FAM107A: variants seen among roughly 807,000 people sequenced by gnomAD.
FAM107A encodes the protein actin-associated protein FAM107A.
Under a neutral mutation model 13.7 loss-of-function variants are expected in FAM107A, and 19 were observed. The ratio of observed to expected loss-of-function variants is 1.38; its 90% confidence interval spans 0.97 to 2.03. The LOEUF is 2.03. Among genes scored for constraint, FAM107A ranks in the 30% most tolerant of loss-of-function variants. The pLI, the probability that FAM107A is intolerant of heterozygous loss-of-function variation, is 0.00. For synonymous variants in FAM107A, 82 were observed against 74.5 expected, an observed-to-expected ratio of 1.10 and a Z score of -0.52; for missense variants, 203 against 184.4, an observed-to-expected ratio of 1.10 and a Z score of -0.58.
chr3:58,607,753 G>A (rs2065809806), intron 1 of FAM107A: 1 of 152,228 alleles, frequency 6.6e-6, no homozygotes, highest in Non-Finnish European at 1.5e-5. Context: ...GGCCTCTTAG[G>A]ACCTGAGGGC....
chr3:58,593,320 G>A (rs951111975), intron 1 of FAM107A, among the ~76,000 whole-genome samples: 1 of 152,122 alleles, frequency 6.6e-6, no homozygotes, highest in African/African-American at 2.4e-5. Flanking sequence ...GCTTTATACA[G>A]TCACCCCCAC....
chr3:58,626,529 A>G (rs1479886045), intron 1 of FAM107A, among the ~76,000 whole-genome samples: 1 of 152,204 alleles, frequency 6.6e-6, no homozygotes, highest in Non-Finnish European at 1.5e-5. Flanking sequence ...CCTATTTTAC[A>G]GGTGAGGAAA....
At chr3:58,588,801 A>T (rs2065631124), upstream of FAM107A, among the ~76,000 whole-genome samples, 1 of 152,078 alleles carries the variant, frequency 6.6e-6, no homozygotes, top group Non-Finnish European at 1.5e-5. Flanking sequence ...CTGGGATTAC[A>T]GGTGCACGCA....
At chr3:58,615,305 A>G (rs1247861803) in intron 1 of FAM107A, among the ~76,000 whole-genome samples, 1 of 152,108 alleles carries the variant, frequency 6.6e-6, no homozygotes, top group African/African-American at 2.4e-5. Context: ...TCTTTTACCA[A>G]CTTTGTAACT....
At chr3:58,626,348 T>TGCA (rs1455108475) in intron 1 of FAM107A, among the ~76,000 whole-genome samples, 1 of 152,162 alleles carries the variant, frequency 6.6e-6, no homozygotes, top group East Asian at 1.9e-4. Flanking sequence ...CAGGCAATGC[T>TGCA]GTCTACAAAC....
intron 1 of FAM107A, among the ~76,000 whole-genome samples, chr3:58,574,634 T>C (rs111577528): frequency 2.0e-5 from 3 of 152,218 alleles, no homozygotes; most frequent in Non-Finnish European, 4.4e-5. Context: ...AGGCCACCAG[T>C]AGGCGACAGC....
chr3:58,592,117 G>T (rs1027247471), intron 1 of FAM107A, among the ~76,000 whole-genome samples: 2 of 152,148 alleles, frequency 1.3e-5, no homozygotes, highest in African/African-American at 2.4e-5. Context: ...GAGTGTTCGT[G>T]GTTTGGAAGT....
chr3:58,572,790 C>G (rs560434574), intron 1 of FAM107A: 4 of 152,164 alleles, frequency 2.6e-5, no homozygotes, highest in South Asian at 2.1e-4. Flanking sequence ...TCGCCCCATA[C>G]GTAAGTTGCC....
chr3:58,589,214 T>C, upstream of FAM107A: 1 of 1,534,166 alleles, frequency 6.5e-7, no homozygotes, highest in South Asian at 1.2e-5. Flanking sequence ...ACCTGAGCCA[T>C]TTCGTCTCTG....
chr3:58,624,691 A>T (rs1247084303), intron 1 of FAM107A, among the ~76,000 whole-genome samples: 1 of 151,884 alleles, frequency 6.6e-6, no homozygotes, highest in African/African-American at 2.4e-5. Flanking sequence ...TATGCCCCTG[A>T]CATTCCCCAG....
At chr3:58,605,420 T>C (rs1259792472) in intron 1 of FAM107A, among the ~76,000 whole-genome samples, 2 of 152,204 alleles carry the variant, frequency 1.3e-5, no homozygotes, top group Non-Finnish European at 2.9e-5. Flanking sequence ...GTCTTGCAGA[T>C]TCCTTTTGCT....
At chr3:58,570,456 G>A in intron 1 of FAM107A, 1 of 775,116 alleles carries the variant, frequency 1.3e-6, no homozygotes, top group Non-Finnish European at 1.6e-6. Flanking sequence ...CAAATGTTTG[G>A]CTACTCAATG....
At position 58,566,478 on chromosome 3, in the gene FAM107A, G is replaced by A. The variant is rs2063622041; in HGVS notation, c.*110C>T. Reference sequence around the variant, plus strand: ...TGACACATTTCTACAGAAGCAGGTGGGAACATCACAGACGTCCCAGGGCCT... The same window carrying A: ...TGACACATTTCTACAGAAGCAGGTGAGAACATCACAGACGTCCCAGGGCCT... On this transcript the variant is annotated 3_prime_UTR_variant, in exon 4 of 4. Coordinates refer to ENST00000360997, the MANE Select transcript of FAM107A (RefSeq NM_001076778.3). 1 of 776,396 alleles carries A rather than the reference G, an allele frequency of 1.3e-6. No homozygotes were observed. Among genetic ancestry groups the A allele is most frequent in the Admixed American group, 2.2e-5 (1 of 44,532 alleles). The allele number at this position is 776,396 out of a possible 1,614,324, so 48.1% of individuals were successfully genotyped here.
chr3:58,595,999 A>T (rs2065704306), intron 1 of FAM107A, among the ~76,000 whole-genome samples: 2 of 152,210 alleles, frequency 1.3e-5, no homozygotes, highest in African/African-American at 4.8e-5. Flanking sequence ...AATTTTGGTT[A>T]GTGAAAGTTA....
chr3:58,568,283 G>T (rs1033239387), intron 2 of FAM107A, among the ~76,000 whole-genome samples: 15 of 151,904 alleles, frequency 9.9e-5, no homozygotes, highest in African/African-American at 2.9e-4. Flanking sequence ...AAATACAAAA[G>T]AATTAGCCGA....
intron 1 of FAM107A, chr3:58,574,070 G>A (rs1402431117): frequency 6.6e-6 from 1 of 152,186 alleles, no homozygotes; most frequent in African/African-American, 2.4e-5. Context: ...AGGCTGGTTG[G>A]GTACCTCACA....
chr3:58,611,901 C>T (rs2065858299), intron 1 of FAM107A, among the ~76,000 whole-genome samples: 1 of 152,074 alleles, frequency 6.6e-6, no homozygotes. Flanking sequence ...TTGTTTGTTG[C>T]CAAACTGCTC....
intron 1 of FAM107A, among the ~76,000 whole-genome samples, chr3:58,614,524 GA>G (rs1361900843): frequency 7.2e-6 from 1 of 139,230 alleles, no homozygotes; most frequent in African/African-American, 2.8e-5. Context: ...TTTTTTTTGA[GA>G]TGCAGTTTTG....
At chr3:58,596,672 C>A (rs1278245935) in intron 1 of FAM107A, among the ~76,000 whole-genome samples, 1 of 126,648 alleles carries the variant, frequency 7.9e-6, no homozygotes, top group African/African-American at 3.3e-5. Context: ...GAGCCAGACT[C>A]GGTCTCAAAA....
Sources: gnomAD v4.1 joint callset for allele counts (sites outside exome capture counted in the v4.1 genomes callset) on GRCh38, gnomAD v4.1.1 for gene constraint, MANE v1.5 for transcripts, NCBI Gene and HGNC (gene_info 2026-07-23, HGNC 2026-07-21) for gene names.